Variants in CALCRL observed in about 807,000 individuals in gnomAD.
CALCRL encodes the protein calcitonin receptor like receptor.
In CALCRL, 27 loss-of-function variants were observed where a neutral mutation model predicts 60.4. The ratio of observed to expected loss-of-function variants is 0.45; its 90% CI spans 0.33 to 0.62. The LOEUF (loss-of-function observed/expected upper bound fraction) is 0.62. Ranked by LOEUF, CALCRL falls within the 20% of genes least tolerant of loss-of-function variation. The probability of loss-of-function intolerance (pLI) is 0.03; values close to 1 mark genes in which losing one functional copy is unlikely to be tolerated. For missense variants in CALCRL, 424 were observed against 540.7 expected, an observed-to-expected ratio of 0.78 and a Z score of 2.14; for synonymous variants, 190 against 182.6, an observed-to-expected ratio of 1.04 and a Z score of -0.33.
chr2:187,363,051 T>C (rs922154503), intron 9 of CALCRL, among the ~76,000 whole-genome samples: 2 of 152,140 alleles, frequency 1.3e-5, no homozygotes, highest in African/African-American at 4.8e-5. Flanking sequence ...TCTACAGCTA[T>C]AAAATGAAGT....
At chr2:187,421,336 T>C (rs1177756546) in intron 1 of CALCRL, among the ~76,000 whole-genome samples, 1 of 152,170 alleles carries the variant, frequency 6.6e-6, no homozygotes, top group East Asian at 1.9e-4. Context: ...CCTCTCGATA[T>C]CAAAATAACT....
At chr2:187,383,845 A>C (rs1688089917) in intron 4 of CALCRL, among the ~76,000 whole-genome samples, 1 of 152,124 alleles carries the variant, frequency 6.6e-6, no homozygotes, top group African/African-American at 2.4e-5. Flanking sequence ...GATGTTGGTA[A>C]ATAGAAATTT....
chr2:187,346,428 C>T, intron 14 of CALCRL, 29 bp from the exon 15 acceptor site: 1 of 1,486,890 alleles, frequency 6.7e-7, no homozygotes, highest in Non-Finnish European at 9.3e-7. Flanking sequence ...ACAGAAAGAA[C>T]AAGAACAACC....
At chr2:187,389,917 G>T (rs971508165) in intron 1 of CALCRL, among the ~76,000 whole-genome samples, 1 of 151,966 alleles carries the variant, frequency 6.6e-6, no homozygotes, top group African/African-American at 2.4e-5. Context: ...TGCATCCTTT[G>T]TGACTGACAG....
intron 8 of CALCRL, among the ~76,000 whole-genome samples, chr2:187,364,182 T>C (rs1252393419): frequency 1.9e-5 from 1 of 52,472 alleles, no homozygotes; most frequent in Admixed American, 1.8e-4. Context: ...GGAGTTCACA[T>C]AGAAGTAGAT....
intron 1 of CALCRL, among the ~76,000 whole-genome samples, chr2:187,396,077 T>C (rs912380374): frequency 1.1e-4 from 16 of 151,840 alleles, no homozygotes; most frequent in African/African-American, 3.9e-4. Context: ...AGGAAGACTT[T>C]GTGTATGTCT....
At chr2:187,400,460 T>C (rs553589226) in intron 1 of CALCRL, among the ~76,000 whole-genome samples, 68 of 151,656 alleles carry the variant, frequency 4.5e-4, no homozygotes, top group South Asian at 2.1e-4. Context: ...TAATCATTGA[T>C]AAACACCTTA....
At chr2:187,440,314 A>G (rs1690836842) in intron 1 of CALCRL, among the ~76,000 whole-genome samples, 1 of 152,188 alleles carries the variant, frequency 6.6e-6, no homozygotes, top group Non-Finnish European at 1.5e-5. Flanking sequence ...AGAATGTAGG[A>G]CAAGCCTTGA....
At chr2:187,438,935 C>A (rs999822650) in intron 1 of CALCRL, among the ~76,000 whole-genome samples, 4 of 152,258 alleles carry the variant, frequency 2.6e-5, no homozygotes, top group South Asian at 2.1e-4. Flanking sequence ...GATTCTAACA[C>A]CTTCAGTAAT....
intron 1 of CALCRL, among the ~76,000 whole-genome samples, chr2:187,427,038 T>C (rs1232374365): frequency 1.3e-5 from 2 of 152,132 alleles, no homozygotes; most frequent in Non-Finnish European, 2.9e-5. Context: ...GCCTAAGAGA[T>C]TGTTACACCT....
At chr2:187,441,019 A>C (rs958839797) in intron 1 of CALCRL, among the ~76,000 whole-genome samples, 2 of 152,136 alleles carry the variant, frequency 1.3e-5, no homozygotes, top group Admixed American at 6.6e-5. Flanking sequence ...ACAAATATTC[A>C]TCAAAGCTTT....
intron 14 of CALCRL, among the ~76,000 whole-genome samples, chr2:187,348,486 A>G (rs1005369787): frequency 7.3e-5 from 11 of 151,652 alleles, no homozygotes; most frequent in African/African-American, 2.4e-4. Flanking sequence ...AGAGGAAGTA[A>G]TATCTTAGCT....
At chr2:187,359,322 G>T in intron 10 of CALCRL, 50 bp from the exon 11 acceptor site, 1 of 1,337,080 alleles carries the variant, frequency 7.5e-7, no homozygotes, top group South Asian at 1.4e-5. Flanking sequence ...TTCTACAGAT[G>T]GTATTTCAAA....
At chr2:187,385,511 T>G (rs773878635) in intron 4 of CALCRL, 34 bp downstream of exon 4, 48 of 1,052,234 alleles carry the variant, frequency 4.6e-5, no homozygotes, top group South Asian at 4.5e-4. Flanking sequence ...CTGGAAGCAA[T>G]AACAGACATA....
chr2:187,431,692 A>G (rs903692272), intron 1 of CALCRL, among the ~76,000 whole-genome samples: 3 of 151,910 alleles, frequency 2.0e-5, no homozygotes, highest in Admixed American at 6.6e-5. Context: ...TAATCTATGT[A>G]TGAATGGCTC....
intron 8 of CALCRL, among the ~76,000 whole-genome samples, chr2:187,374,173 CAAGAAAGA>C (rs542506562): frequency 2.6e-5 from 4 of 151,584 alleles, no homozygotes; most frequent in South Asian, 2.1e-4. Flanking sequence ...ATCTCTAAAA[CAAGAAAGA>C]AAGAAAGAAA....
At chr2:187,445,292 G>T (rs943854496) in intron 1 of CALCRL, among the ~76,000 whole-genome samples, 2 of 151,398 alleles carry the variant, frequency 1.3e-5, no homozygotes. Flanking sequence ...CATAAGATAC[G>T]CAATAAAGCA....
chr2:187,372,159 T>C (rs1277381616), intron 8 of CALCRL, among the ~76,000 whole-genome samples: 1 of 151,954 alleles, frequency 6.6e-6, no homozygotes, highest in Non-Finnish European at 1.5e-5. Flanking sequence ...ACCAACAACA[T>C]TTTCTTTTTT....
chr2:187,425,836 AT>A (rs897976115), intron 1 of CALCRL, among the ~76,000 whole-genome samples: 36 of 152,004 alleles, frequency 2.4e-4, no homozygotes, highest in Admixed American at 1.3e-4. Flanking sequence ...CTTTTGGCAC[AT>A]TTTAAATGTT....
Sources: gnomAD v4.1 joint callset for allele counts (sites outside exome capture counted in the v4.1 genomes callset) on GRCh38, gnomAD v4.1.1 for gene constraint, MANE v1.5 for transcripts, NCBI Gene and HGNC (gene_info 2026-07-23, HGNC 2026-07-21) for gene names.